Variants in FUBP3 observed in about 807,000 individuals in gnomAD.
The protein encoded by FUBP3 is far upstream element binding protein 3.
FUBP3 carries 28 observed loss-of-function variants against 85.6 expected under a neutral mutation model. That is an observed-to-expected ratio of 0.33 (90% CI 0.24 to 0.45). FUBP3 has a LOEUF of 0.45. Ranked by LOEUF, FUBP3 falls within the 20% of genes least tolerant of loss-of-function variation. FUBP3 has a pLI of 1.00. For missense variants in FUBP3, 583 were observed against 755.1 expected, an observed-to-expected ratio of 0.77 and a Z score of 2.67; for synonymous variants, 271 against 271.4, an observed-to-expected ratio of 1.00 and a Z score of 0.01.
chr9:130,615,159 C>T (rs1831937503), intron 6 of FUBP3, among the ~76,000 whole-genome samples: 1 of 152,190 alleles, frequency 6.6e-6, no homozygotes, highest in African/African-American at 2.4e-5. Context: ...ATAAATATCG[C>T]TGGCAGGTGT....
At position 130,616,312 on chromosome 9, in the gene FUBP3, C is replaced by G; in HGVS notation, c.405-43C>G. ...TCCCTGTCTTGCACACTTAGAGCCT[C>G]CATTTAATGCTGGTTCTCTTGTGGT... On this transcript the variant is annotated intron_variant, in intron 6 of 18. Coordinates refer to ENST00000319725, the MANE Select transcript of FUBP3 (RefSeq NM_003934.2). The surrounding 1 kb of genome is among the most constrained non-coding windows in gnomAD (Gnocchi z 4.7). 2 of 1,599,088 alleles carry G rather than the reference C, an allele frequency of 1.3e-6. No homozygotes were observed. The highest frequency in any genetic ancestry group is 1.7e-6 in the Non-Finnish European group (2 of 1,167,162).
At chr9:130,590,229 T>G (rs887603097) in intron 1 of FUBP3, among the ~76,000 whole-genome samples, 17 of 152,120 alleles carry the variant, frequency 1.1e-4, no homozygotes, top group African/African-American at 3.9e-4. Context: ...TTGTGCATTT[T>G]TCTTGGGAAA....
At chr9:130,632,724 T>C (rs1202016169) in intron 16 of FUBP3, among the ~76,000 whole-genome samples, 3 of 152,230 alleles carry the variant, frequency 2.0e-5, no homozygotes, top group Non-Finnish European at 2.9e-5. Flanking sequence ...TCCTGAACTT[T>C]TCAGAAGCAA....
intron 16 of FUBP3, among the ~76,000 whole-genome samples, chr9:130,633,803 C>T (rs1394266964): frequency 2.0e-5 from 3 of 152,232 alleles, no homozygotes; most frequent in Non-Finnish European, 4.4e-5. Context: ...GCTTCTTCCC[C>T]ACGCTGCTCC....
chr9:130,599,774 A>G (rs1008004922), intron 2 of FUBP3, among the ~76,000 whole-genome samples: 1 of 151,956 alleles, frequency 6.6e-6, no homozygotes, highest in African/African-American at 2.4e-5. Flanking sequence ...TTCATCCAGT[A>G]CTTCTCTCAT....
chr9:130,585,270 T>A (rs981923989), intron 1 of FUBP3, among the ~76,000 whole-genome samples: 8 of 152,230 alleles, frequency 5.3e-5, no homozygotes, highest in Non-Finnish European at 8.8e-5. Context: ...GTTTTTGACA[T>A]GAGGCATTCA....
At chr9:130,626,843 C>T (rs1042827205) in intron 12 of FUBP3, among the ~76,000 whole-genome samples, 2 of 152,198 alleles carry the variant, frequency 1.3e-5, no homozygotes, top group African/African-American at 2.4e-5. Flanking sequence ...AATTAACTCA[C>T]CTCCAAGGAA....
intron 1 of FUBP3, among the ~76,000 whole-genome samples, chr9:130,593,272 CCT>C (rs1209399558): frequency 1.3e-5 from 2 of 152,176 alleles, no homozygotes; most frequent in Non-Finnish European, 2.9e-5. Flanking sequence ...TTATTGATTA[CCT>C]GGTTTACCTT....
intron 2 of FUBP3, among the ~76,000 whole-genome samples, chr9:130,599,361 G>A (rs56870661): frequency 0.03 from 1,006 of 33,698 alleles, 11 homozygotes; most frequent in African/African-American, 0.085. Context: ...ATAAGTATAT[G>A]TGTGTGTGTG....
intron 7 of FUBP3, among the ~76,000 whole-genome samples, 172 bp from the exon 8 acceptor site, chr9:130,617,625 C>CCT (rs1832075672): frequency 6.6e-6 from 1 of 152,234 alleles, no homozygotes; most frequent in Non-Finnish European, 1.5e-5. Context: ...TCGTACCCGA[C>CCT]CTATATGTCT....
At chr9:130,595,665 C>A in intron 2 of FUBP3, 77 bp downstream of exon 2, 1 of 772,322 alleles carries the variant, frequency 1.3e-6, no homozygotes, top group Non-Finnish European at 2.4e-6. Context: ...CAGCCATTAC[C>A]TTAACGACTC....
At chr9:130,590,199 G>A (rs926119482) in intron 1 of FUBP3, among the ~76,000 whole-genome samples, 5 of 151,960 alleles carry the variant, frequency 3.3e-5, no homozygotes, top group Non-Finnish European at 5.9e-5. Context: ...ACATTCATCC[G>A]TGTATCTCCC....
intron 3 of FUBP3, among the ~76,000 whole-genome samples, chr9:130,610,729 C>T (rs1220938121): frequency 6.6e-6 from 1 of 152,202 alleles, no homozygotes; most frequent in Non-Finnish European, 1.5e-5. Flanking sequence ...CCTTAACCTT[C>T]TATCAGCAAA....
intron 5 of FUBP3, among the ~76,000 whole-genome samples, chr9:130,613,493 C>A (rs1831854473): frequency 6.6e-6 from 1 of 152,132 alleles, no homozygotes; most frequent in Non-Finnish European, 1.5e-5. Context: ...TGTTTTATGA[C>A]CTTTCCTAGC....
intron 2 of FUBP3, among the ~76,000 whole-genome samples, chr9:130,601,335 C>T (rs1831141944): frequency 1.3e-5 from 2 of 152,224 alleles, no homozygotes; most frequent in Non-Finnish European, 2.9e-5. Flanking sequence ...AGAGAAGTCA[C>T]TTCCCATTTG....
At chr9:130,601,735 G>A (rs184079067) in intron 2 of FUBP3, among the ~76,000 whole-genome samples, 7 of 151,382 alleles carry the variant, frequency 4.6e-5, no homozygotes, top group South Asian at 4.2e-4. Flanking sequence ...CGTTTTCCAC[G>A]GTTTCAGTTA....
chr9:130,606,570 C>T lies in FUBP3; in HGVS notation c.191-3384C>T, dbSNP rs1349350502. Among the ~76,000 whole-genome samples, 4 of 152,034 alleles carry T rather than the reference C, an allele frequency of 2.6e-5. 1 individual carries two copies. Among genetic ancestry groups the T allele is most frequent in the South Asian group, 2.1e-4 (1 of 4,828 alleles). ...GCGCGGTGGCTCACGCCTGTAATCC[C>T]AGCACTTTGGGAGGCTAAAGTGGGC... On this transcript the variant is annotated intron_variant, in intron 2 of 18. Transcript: ENST00000319725.
At chr9:130,633,318 C>A (rs138487041) in intron 16 of FUBP3, among the ~76,000 whole-genome samples, 120 of 152,358 alleles carry the variant, frequency 7.9e-4, no homozygotes, top group African/African-American at 2.8e-3. Flanking sequence ...GCACCCAGAT[C>A]CCACCATCCA....
intron 8 of FUBP3, among the ~76,000 whole-genome samples, 164 bp from the exon 9 acceptor site, chr9:130,620,190 G>A (rs1169716099): frequency 6.6e-6 from 1 of 152,126 alleles, no homozygotes; most frequent in Non-Finnish European, 1.5e-5. Flanking sequence ...CTTAAGATAC[G>A]ATACACACAT....
Sources: allele counts gnomAD v4.1 joint callset (sites outside exome capture counted in the v4.1 genomes callset), GRCh38; gene constraint gnomAD v4.1.1; non-coding constraint Gnocchi (gnomAD v3.1); transcripts MANE v1.5; gene names NCBI Gene and HGNC (gene_info 2026-07-23, HGNC 2026-07-21).